Variants in GFRA1 observed in about 807,000 individuals in gnomAD.
GFRA1 encodes GDNF family receptor alpha-1.
A neutral mutation model predicts 51.6 loss-of-function variants in GFRA1; 16 were observed. The observed-to-expected ratio is 0.31, with a 90% confidence interval of 0.21 to 0.47. GFRA1 has a LOEUF of 0.47. Among genes scored for constraint, GFRA1 ranks in the 20% least tolerant of loss-of-function variants. The pLI is 1.00. For missense variants in GFRA1, 530 were observed against 594.3 expected, an observed-to-expected ratio of 0.89 and a Z score of 1.13; for synonymous variants, 270 against 241.3, an observed-to-expected ratio of 1.12 and a Z score of -1.10.
intron 4 of GFRA1, among the ~76,000 whole-genome samples, chr10:116,234,703 A>G (rs1308130039): frequency 2.0e-5 from 3 of 152,206 alleles, no homozygotes; most frequent in Non-Finnish European, 4.4e-5. Flanking sequence ...TGGAACATAG[A>G]CCTGTGCCAC....
intron 5 of GFRA1, among the ~76,000 whole-genome samples, chr10:116,159,701 G>C (rs1458338292): frequency 1.3e-5 from 2 of 151,986 alleles, no homozygotes; most frequent in East Asian, 3.9e-4. Context: ...CCATGGACAA[G>C]TGAAGTGGGA....
At chr10:116,185,906 T>C (rs925842205) in intron 5 of GFRA1, among the ~76,000 whole-genome samples, 2 of 152,268 alleles carry the variant, frequency 1.3e-5, no homozygotes, top group Non-Finnish European at 2.9e-5. Context: ...TATCTAGGCA[T>C]GGACTCTGCT....
intron 9 of GFRA1, among the ~76,000 whole-genome samples, chr10:116,076,241 G>A (rs998403476): frequency 1.3e-5 from 2 of 152,138 alleles, no homozygotes; most frequent in East Asian, 1.9e-4. Flanking sequence ...CAGAGCTAAT[G>A]CCTGTCTGAA....
intron 4 of GFRA1, among the ~76,000 whole-genome samples, chr10:116,237,574 CAAAA>C (rs5788145): frequency 3.6e-4 from 40 of 112,544 alleles, no homozygotes; most frequent in African/African-American, 4.6e-4. Flanking sequence ...AAACTAAAGG[CAAAA>C]AAAAAAAAAA....
chr10:116,221,901 T>A (rs969092733), intron 4 of GFRA1, among the ~76,000 whole-genome samples: 1 of 152,092 alleles, frequency 6.6e-6, no homozygotes, highest in African/African-American at 2.4e-5. Flanking sequence ...ACTGTTTCAA[T>A]AGGTTTATGG....
At chr10:116,122,184 C>A (rs889961342) in intron 6 of GFRA1, among the ~76,000 whole-genome samples, 1 of 152,140 alleles carries the variant, frequency 6.6e-6, no homozygotes. Flanking sequence ...GGCCCCAGGA[C>A]AGTCTAGATC....
intron 9 of GFRA1, among the ~76,000 whole-genome samples, chr10:116,071,825 T>G (rs1398737993): frequency 6.6e-6 from 1 of 152,242 alleles, no homozygotes; most frequent in African/African-American, 2.4e-5. Flanking sequence ...TTACTGATTT[T>G]TGGATTATGT....
intron 5 of GFRA1, among the ~76,000 whole-genome samples, chr10:116,207,357 G>A (rs2134423056): frequency 6.6e-6 from 1 of 152,234 alleles, no homozygotes; most frequent in Non-Finnish European, 1.5e-5. Flanking sequence ...GCTTAACATT[G>A]TAAGGTCTGG....
chr10:116,096,140 C>T (rs935395713), intron 7 of GFRA1, among the ~76,000 whole-genome samples: 27 of 152,154 alleles, frequency 1.8e-4, no homozygotes, highest in African/African-American at 6.5e-4. Flanking sequence ...GCCTAAATCA[C>T]CCACTGCACA....
At position 116,148,808 on chromosome 10, in the gene GFRA1, GAGA is replaced by G. The variant is rs1053418505; in HGVS notation, c.434-23254_434-23252del. On this transcript the variant is annotated intron_variant, in intron 5 of 10. Coordinates refer to ENST00000355422, the MANE Select transcript of GFRA1 (RefSeq NM_005264.8). ...AGCTTATTCCAGGGCACGAAGAAAA[GAGA>G]AGAAGGATGAGAGAATGAAGAGCTG... Among the ~76,000 whole-genome samples, 7 of 152,194 alleles carry G rather than the reference GAGA, an allele frequency of 4.6e-5. 1 individual carries two copies. The highest frequency in any genetic ancestry group is 2.6e-4 in the Admixed American group (4 of 15,280).
chr10:116,066,391 G>GA (rs997832413), intron 9 of GFRA1, among the ~76,000 whole-genome samples: 7 of 152,154 alleles, frequency 4.6e-5, no homozygotes, highest in African/African-American at 1.7e-4. Flanking sequence ...CCAGCCATTT[G>GA]AAAATGGCTT....
chr10:116,165,576 C>T (rs1272364644), intron 5 of GFRA1, among the ~76,000 whole-genome samples: 3 of 152,084 alleles, frequency 2.0e-5, no homozygotes, highest in Non-Finnish European at 2.9e-5. Context: ...GAAACCTTGG[C>T]CCTCACTGTG....
intron 5 of GFRA1, among the ~76,000 whole-genome samples, chr10:116,207,868 C>A (rs1002293417): frequency 6.6e-6 from 1 of 152,008 alleles, no homozygotes; most frequent in Non-Finnish European, 1.5e-5. Context: ...TCTCACTGCC[C>A]GAGACAGCAG....
chr10:116,154,832 C>G (rs1385588705), intron 5 of GFRA1, among the ~76,000 whole-genome samples: 1 of 152,136 alleles, frequency 6.6e-6, no homozygotes, highest in East Asian at 1.9e-4. Context: ...TAGACCAGGT[C>G]CCGGCCAGAG....
intron 9 of GFRA1, among the ~76,000 whole-genome samples, chr10:116,077,565 T>C (rs1955670895): frequency 6.6e-6 from 1 of 152,236 alleles, no homozygotes; most frequent in Non-Finnish European, 1.5e-5. Context: ...TATTAAACTA[T>C]ACTGAAGATG....
At chr10:116,160,692 G>A (rs1011487919) in intron 5 of GFRA1, among the ~76,000 whole-genome samples, 12 of 152,182 alleles carry the variant, frequency 7.9e-5, no homozygotes, top group African/African-American at 2.9e-4. Flanking sequence ...ACCAATTAAT[G>A]GGCAATATAC....
Position 116,270,882 on chromosome 10 carries a change from C to A in GFRA1, c.274G>T (p.Gly92Cys), listed in dbSNP as rs1843862786. The A allele has an allele frequency of 6.2e-7, 1 of 1,614,038 alleles. No homozygotes were observed. Among genetic ancestry groups the A allele is most frequent in the Non-Finnish European group, 8.5e-7 (1 of 1,180,030 alleles). ...AGGCAGTTCTTCTCCTTCTTCATAC[C>A]CCGCTTGCAGCGGCAGTTGTAGAGC... ...KSLYNCRCKRGMKKEKNCLRI... is the reference protein window; with the variant it reads ...KSLYNCRCKRCMKKEKNCLRI... Residue 92 changes from glycine (G) to cysteine (C), a missense_variant, in exon 3 of 11, where the codon GGT becomes TGT. By Grantham distance (159) the Gly-to-Cys change is radical (BLOSUM62 -3). Transcript: ENST00000355422.
In GFRA1 at chr10:116,272,307, C is replaced by G; in HGVS notation, c.-246-32G>C. The G allele has an allele frequency of 7.3e-6, 4 of 546,520 alleles. No individual in the cohort carries two copies. Among genetic ancestry groups the G allele is most frequent in the Non-Finnish European group, 9.9e-6 (3 of 303,818 alleles). The allele number at this position is 546,520 out of a possible 1,614,324, so 33.9% of individuals were successfully genotyped here. ...GGGAGGGCGCGCTTTGAGATGAGAG[C>G]GGAGAGCGCCGGAGACTCCCCCCAC... is the stretch of plus-strand genomic sequence containing the variant. On this transcript the variant is annotated intron_variant, in intron 1 of 10. Transcript: ENST00000355422. The surrounding 1 kb of genome is among the most constrained non-coding windows in gnomAD (Gnocchi z 4.4).
chr10:116,132,935 A>G (rs1428209486), intron 5 of GFRA1, among the ~76,000 whole-genome samples: 1 of 152,026 alleles, frequency 6.6e-6, no homozygotes, highest in African/African-American at 2.4e-5. Context: ...CCTGCGTGGG[A>G]AGGCTTCTGA....
Sources: allele counts gnomAD v4.1 joint callset (sites outside exome capture counted in the v4.1 genomes callset), GRCh38; gene constraint gnomAD v4.1.1; non-coding constraint Gnocchi (gnomAD v3.1); transcripts MANE v1.5; gene names NCBI Gene and HGNC (gene_info 2026-07-23, HGNC 2026-07-21).